Variants in TBC1D19 observed in about 807,000 individuals in gnomAD.
The protein encoded by TBC1D19 is TBC1 domain family member 19.
A neutral mutation model predicts 89.0 loss-of-function variants in TBC1D19; 60 were observed. That is an observed-to-expected ratio of 0.67 (90% CI 0.55 to 0.84). The LOEUF is 0.84. Among genes scored for constraint, TBC1D19 ranks in the 40% least tolerant of loss-of-function variants. The pLI is 0.00. For missense variants in TBC1D19, 500 were observed against 610.8 expected, an observed-to-expected ratio of 0.82 and a Z score of 1.91; for synonymous variants, 189 against 199.7, an observed-to-expected ratio of 0.95 and a Z score of 0.45.
chr4:26,585,953 A>G (rs1361107708), intron 1 of TBC1D19, among the ~76,000 whole-genome samples: 1 of 152,140 alleles, frequency 6.6e-6, no homozygotes, highest in African/African-American at 2.4e-5. Context: ...AATTTTGGTG[A>G]CATAAATTTT....
At chr4:26,742,801 G>C (rs73249853) in intron 18 of TBC1D19, among the ~76,000 whole-genome samples, 2 of 152,034 alleles carry the variant, frequency 1.3e-5, no homozygotes, top group Non-Finnish European at 2.9e-5. Context: ...TCCTAATAAA[G>C]TCTTATTTAC....
chr4:26,622,532 C>T (rs1028086423), intron 4 of TBC1D19, among the ~76,000 whole-genome samples: 1 of 152,076 alleles, frequency 6.6e-6, no homozygotes, highest in African/African-American at 2.4e-5. Flanking sequence ...TGGACTTTCC[C>T]ATGTATATCA....
At chr4:26,648,650 G>C (rs1744123557) in intron 7 of TBC1D19, among the ~76,000 whole-genome samples, 1 of 152,086 alleles carries the variant, frequency 6.6e-6, no homozygotes, top group African/African-American at 2.4e-5. Flanking sequence ...AGTAAAACTT[G>C]GTTAGAAATT....
At chr4:26,707,459 T>C (rs1326018293) in intron 13 of TBC1D19, among the ~76,000 whole-genome samples, 1 of 152,066 alleles carries the variant, frequency 6.6e-6, no homozygotes, top group African/African-American at 2.4e-5. Context: ...AGATCACATG[T>C]AGTTTTGTCT....
At chr4:26,608,105 G>A (rs905751039) in intron 1 of TBC1D19, among the ~76,000 whole-genome samples, 4 of 152,088 alleles carry the variant, frequency 2.6e-5, no homozygotes, top group African/African-American at 9.7e-5. Flanking sequence ...TCTTTGTCTG[G>A]TTTTTGCATT....
At chr4:26,787,857 G>A in the TBC1D19 span, among the ~76,000 whole-genome samples, 3,468 of 152,208 alleles carry the variant, frequency 0.023, 70 homozygotes, top group Middle Eastern at 0.068. Context: ...CCTTTTACAA[G>A]AAGCTGTGGA....
chr4:26,584,088 T>C lies in TBC1D19; in HGVS notation c.-106T>C. 8.9e-7 allele frequency: 1 copy of C among 1,122,222 alleles called. No homozygotes were observed. 69.5% of individuals were successfully genotyped at this position (1,122,222 alleles called of 1,614,324 possible). On this transcript the variant is annotated 5_prime_UTR_variant, in exon 1 of 21. Transcript: ENST00000264866. ...AACGCCCGCTGGAGGAGTCCCAGTG[T>C]AATAAGGTCCCGGAGAAGTGTCACT...
upstream of TBC1D19, chr4:26,584,029 G>A (rs1739249677): frequency 1.5e-6 from 1 of 658,042 alleles, no homozygotes; most frequent in African/African-American, 1.8e-5. Flanking sequence ...GGGGACCAGA[G>A]AGGGACGGAC....
chr4:26,840,470 G>A, the TBC1D19 span, among the ~76,000 whole-genome samples: 4 of 152,074 alleles, frequency 2.6e-5, no homozygotes, highest in African/African-American at 9.7e-5. Flanking sequence ...AGACTGTACT[G>A]TAGATGAGTC....
intron 7 of TBC1D19, among the ~76,000 whole-genome samples, chr4:26,641,073 C>G (rs1019951251): frequency 1.1e-4 from 16 of 152,324 alleles, no homozygotes; most frequent in African/African-American, 3.8e-4. Context: ...AGTGTTTGAG[C>G]TCTGAGAACA....
At chr4:26,644,329 A>T (rs1246707428) in intron 7 of TBC1D19, among the ~76,000 whole-genome samples, 2 of 152,240 alleles carry the variant, frequency 1.3e-5, no homozygotes. Flanking sequence ...AAATCACATG[A>T]TTATCTCAAT....
intron 15 of TBC1D19, among the ~76,000 whole-genome samples, chr4:26,730,985 G>A (rs543982961): frequency 5.3e-5 from 8 of 152,276 alleles, no homozygotes; most frequent in African/African-American, 7.2e-5. Flanking sequence ...GAGTACAGCC[G>A]GAGGAGGGTC....
the TBC1D19 span, among the ~76,000 whole-genome samples, chr4:26,798,837 A>T: frequency 9.2e-5 from 14 of 152,192 alleles, no homozygotes; most frequent in East Asian, 2.5e-3. Context: ...GATTCATATA[A>T]ACACAAAGAT....
At chr4:26,786,197 T>C in the TBC1D19 span, among the ~76,000 whole-genome samples, 1 of 152,206 alleles carries the variant, frequency 6.6e-6, no homozygotes, top group Non-Finnish European at 1.5e-5. Context: ...TGCCTCTTGC[T>C]CCTGGGACGT....
chr4:26,704,446 CAT>C (rs1715573801), intron 13 of TBC1D19, among the ~76,000 whole-genome samples: 1 of 152,104 alleles, frequency 6.6e-6, no homozygotes, highest in Non-Finnish European at 1.5e-5. Flanking sequence ...GTTTATCTGG[CAT>C]ATACTTAGTA....
the TBC1D19 span, among the ~76,000 whole-genome samples, chr4:26,786,557 A>G: frequency 2.0e-5 from 3 of 152,096 alleles, no homozygotes; most frequent in Non-Finnish European, 2.9e-5. Context: ...AAACTAGAAA[A>G]GGAGAAGTAT....
the TBC1D19 span, among the ~76,000 whole-genome samples, chr4:26,762,053 T>G: frequency 6.6e-6 from 1 of 152,308 alleles, no homozygotes; most frequent in South Asian, 2.1e-4. Flanking sequence ...GGAGAATCAC[T>G]TGAACCTGGG....
In TBC1D19 at chr4:26,613,166, T is replaced by C; in HGVS notation, c.100-3T>C. 1 of 1,525,414 alleles carries C rather than the reference T, an allele frequency of 6.6e-7. No individual in the cohort carries two copies. The highest frequency in any genetic ancestry group is 8.9e-7 in the Non-Finnish European group (1 of 1,123,624). 94.5% of individuals were successfully genotyped at this position (1,525,414 alleles called of 1,614,324 possible). ...TCTTTTTTATTATTATTATTATTCTTAGGCCAGTCTTCAGAGACCTGAGAT... is the reference window on the plus strand; with the variant it reads ...TCTTTTTTATTATTATTATTATTCTCAGGCCAGTCTTCAGAGACCTGAGAT... On this transcript the variant is annotated splice_region_variant and splice_polypyrimidine_tract_variant and intron_variant, in intron 1 of 20. Transcript: ENST00000264866.
At chr4:26,646,128 A>G (rs1461847113) in intron 7 of TBC1D19, among the ~76,000 whole-genome samples, 1 of 150,882 alleles carries the variant, frequency 6.6e-6, no homozygotes, top group African/African-American at 2.4e-5. Context: ...GTCTCAAAAA[A>G]AAAAAAAAAA....
Sources: allele counts gnomAD v4.1 joint callset (sites outside exome capture counted in the v4.1 genomes callset), GRCh38; gene constraint gnomAD v4.1.1; transcripts MANE v1.5; gene names NCBI Gene and HGNC (gene_info 2026-07-23, HGNC 2026-07-21).